The following SLC25A46 variants were observed in gnomAD, a reference collection of about 807,000 sequenced individuals.
SLC25A46 encodes mitochondrial outer membrane protein SLC25A46.
SLC25A46 carries 39 observed loss-of-function variants against 44.6 expected under a neutral mutation model. That is an observed-to-expected ratio of 0.87 (90% CI 0.68 to 1.14). The LOEUF (loss-of-function observed/expected upper bound fraction) is 1.14, where lower values mean the gene tolerates loss of function less well. SLC25A46 is among the 50% of genes most tolerant of loss of function. SLC25A46 has a pLI of 0.00. For synonymous variants in SLC25A46, 202 were observed against 185.8 expected (o/e 1.09, Z -0.71); for missense variants, 547 against 522.7 (o/e 1.05, Z -0.45).
chr5:110,743,284 G>A (rs1400676880), intron 2 of SLC25A46, among the ~76,000 whole-genome samples: 1 of 151,902 alleles, frequency 6.6e-6, no homozygotes, highest in East Asian at 1.9e-4. Context: ...TATAATTTAA[G>A]TGCACCAAAA....
chr5:110,761,630 A>G lies in SLC25A46; in HGVS notation c.1105A>G (p.Met369Val). The G allele has an allele frequency of 6.2e-7, 1 of 1,613,694 alleles. No homozygotes were observed. The highest frequency in any genetic ancestry group is 8.5e-7 in the Non-Finnish European group (1 of 1,179,696). Residue 369 changes from methionine to valine, a missense_variant, in exon 8 of 8, where the codon ATG becomes GTG. Coordinates refer to ENST00000355943, the MANE Select transcript of SLC25A46 (RefSeq NM_138773.4). The surrounding 1 kb of genome is among the most constrained non-coding windows in gnomAD (Gnocchi z 5.3). Reference protein sequence around the residue: ...VLPINTQYEGMRDCINTIRQE... With the variant: ...VLPINTQYEGVRDCINTIRQE... ...TCCAATTAATACACAATATGAGGGAATGAGAGACTGTATCAATACCATAAG... is the reference window on the plus strand; with the variant it reads ...TCCAATTAATACACAATATGAGGGAGTGAGAGACTGTATCAATACCATAAG...
Position 110,761,122 on chromosome 5 carries a change from A to T in SLC25A46, c.679-82A>T. ...CTCTTCAGTCACTATGTTAGGATTT[A>T]AAAGGAACCTAAAAAGAGTCCTTTT... On this transcript the variant is annotated intron_variant, in intron 7 of 7. Transcript: ENST00000355943. The surrounding 1 kb of genome is among the most constrained non-coding windows in gnomAD (Gnocchi z 5.3). 2.8e-6 allele frequency: 3 copies of T among 1,079,176 alleles called. No homozygotes were observed. Among genetic ancestry groups the T allele is most frequent in the Non-Finnish European group, 4.1e-6 (3 of 738,886 alleles). The allele number at this position is 1,079,176 out of a possible 1,614,324, so 66.9% of individuals were successfully genotyped here.
At position 110,743,764 on chromosome 5, in the gene SLC25A46, A is replaced by G. The variant is rs368775334; in HGVS notation, c.361A>G (p.Ile121Val). The change falls in exon 3 of 8, where the codon ATT (isoleucine) becomes GTT (valine). Residue 121 changes from isoleucine to valine, a missense_variant. Transcript: ENST00000355943. ...AGAAAATGTATTGGCACATCCTTGC[A>G]TTGTTCTACGCCGCCAATGTCAGGT... is the stretch of plus-strand genomic sequence containing the variant. ...FTENVLAHPC[I>V]VLRRQCQVNY... is the part of the protein sequence containing the mutation. 8 of 1,606,670 alleles carry G rather than the reference A, an allele frequency of 5.0e-6. No homozygotes were observed. The highest frequency in any genetic ancestry group is 2.2e-5 in the South Asian group (2 of 90,124).
intron 5 of SLC25A46, among the ~76,000 whole-genome samples, chr5:110,752,035 CA>C (rs1179860787): frequency 1.3e-5 from 2 of 152,246 alleles, no homozygotes; most frequent in East Asian, 3.9e-4. Context: ...AAAACATTAA[CA>C]GCAGTTCACA....
At chr5:110,739,529 C>A in intron 1 of SLC25A46, 127 bp downstream of exon 1, 2 of 1,271,972 alleles carry the variant, frequency 1.6e-6, no homozygotes, top group Non-Finnish European at 2.1e-6. Flanking sequence ...CGCGCCACAC[C>A]CTTTGCCCTC....
chr5:110,756,559 C>A (rs878881108), intron 6 of SLC25A46, 143 bp from the exon 7 acceptor site: 1 of 504,686 alleles, frequency 2.0e-6, no homozygotes, highest in South Asian at 3.7e-5. Context: ...TATTTTTAGG[C>A]TGTAGGTATT....
intron 6 of SLC25A46, among the ~76,000 whole-genome samples, chr5:110,756,307 GA>G (rs377257357): frequency 8.0e-4 from 121 of 151,942 alleles, no homozygotes; most frequent in African/African-American, 2.9e-3. Flanking sequence ...TGCTGGATGG[GA>G]AATCTGGGAA....
chr5:110,738,699 G>C, upstream of SLC25A46: 1 of 234,326 alleles, frequency 4.3e-6, no homozygotes, highest in South Asian at 5.2e-5. Flanking sequence ...TGTGACATGG[G>C]GTATTTCTGG....
At position 110,764,596 on chromosome 5, in the gene SLC25A46, C is replaced by G. The variant is rs755219643; in HGVS notation, c.*2814C>G. ...TAGCAGCAGCTTTGTTAAAACTGCACAAAGCATTCACTTTATTGATTGAGT... is the reference window on the plus strand; with the variant it reads ...TAGCAGCAGCTTTGTTAAAACTGCAGAAAGCATTCACTTTATTGATTGAGT... On this transcript the variant is annotated 3_prime_UTR_variant, in exon 8 of 8. Transcript: ENST00000355943. The G allele has an allele frequency of 6.6e-6, 1 of 151,706 alleles. No individual in the cohort carries two copies. The highest frequency in any genetic ancestry group is 1.5e-5 in the Non-Finnish European group (1 of 67,880). 9.4% of individuals were successfully genotyped at this position (151,706 alleles called of 1,614,324 possible).
chr5:110,746,799 A>G (rs1799830827), intron 4 of SLC25A46, among the ~76,000 whole-genome samples: 1 of 152,194 alleles, frequency 6.6e-6, no homozygotes, highest in Admixed American at 6.5e-5. Flanking sequence ...CATGATGAGG[A>G]TAGAGAAAAG....
chr5:110,743,719 T>A lies in SLC25A46; in HGVS notation c.327-11T>A, dbSNP rs760161186. ...TGTAGACATACATATACATAAATTATTTTTATATAGTCTCTTTACAGAAAA... is the reference window on the plus strand; with the variant it reads ...TGTAGACATACATATACATAAATTAATTTTATATAGTCTCTTTACAGAAAA... On this transcript the variant is annotated splice_polypyrimidine_tract_variant and intron_variant, in intron 2 of 7. Transcript: ENST00000355943. 6.4e-7 allele frequency: 1 copy of A among 1,550,586 alleles called. No homozygotes were observed. The highest frequency in any genetic ancestry group is 2.3e-5 in the East Asian group (1 of 43,290).
upstream of SLC25A46, chr5:110,738,885 A>C (rs868678471): frequency 9.4e-7 from 1 of 1,058,706 alleles, no homozygotes; most frequent in Middle Eastern, 3.1e-4. Flanking sequence ...ACGACAACAA[A>C]CTTTTAAGGT....
chr5:110,754,527 TTTC>T (rs1800055930), intron 5 of SLC25A46: 1 of 149,576 alleles, frequency 6.7e-6, no homozygotes, highest in Non-Finnish European at 1.5e-5. Context: ...TCCTTCTTTC[TTTC>T]TTTTTTTTTT....
At chr5:110,738,743 T>G, upstream of SLC25A46, 1 of 266,290 alleles carries the variant, frequency 3.8e-6, no homozygotes, top group Non-Finnish European at 7.1e-6. Flanking sequence ...CACCCGCGGG[T>G]TATCGGCTCC....
intron 1 of SLC25A46, among the ~76,000 whole-genome samples, chr5:110,739,668 C>T (rs1799578826): frequency 6.6e-6 from 1 of 152,236 alleles, no homozygotes; most frequent in Admixed American, 6.5e-5. Context: ...TTTGGTGTCT[C>T]AACTGATGGT....
At chr5:110,750,373 A>G (rs931642822) in intron 5 of SLC25A46, among the ~76,000 whole-genome samples, 8 of 152,080 alleles carry the variant, frequency 5.3e-5, no homozygotes, top group African/African-American at 1.9e-4. Flanking sequence ...ATTCTTTAAC[A>G]AACAATTCTG....
At chr5:110,742,007 A>G (rs1458337863) in intron 1 of SLC25A46, 40 bp from the exon 2 acceptor site, 3 of 1,337,824 alleles carry the variant, frequency 2.2e-6, no homozygotes, top group African/African-American at 1.5e-5. Flanking sequence ...ATTGGTTATC[A>G]GTAATCTTAT....
chr5:110,739,528 C>T, intron 1 of SLC25A46, 126 bp downstream of exon 1: 8 of 1,311,364 alleles, frequency 6.1e-6, no homozygotes, highest in Non-Finnish European at 8.1e-6. Context: ...GCGCGCCACA[C>T]CCTTTGCCCT....
At chr5:110,738,266 C>T (rs561382818), upstream of SLC25A46, 8 of 1,281,652 alleles carry the variant, frequency 6.2e-6, no homozygotes, top group African/African-American at 1.2e-4. Context: ...GGACGCTCTA[C>T]AGTAGTCCTC....
Sources: allele counts gnomAD v4.1 joint callset (sites outside exome capture counted in the v4.1 genomes callset), GRCh38; gene constraint gnomAD v4.1.1; non-coding constraint Gnocchi (gnomAD v3.1); transcripts MANE v1.5; gene names NCBI Gene and HGNC (gene_info 2026-07-23, HGNC 2026-07-21).